The following ADAMTS12 variants were observed in gnomAD, a reference collection of about 807,000 sequenced individuals.
ADAMTS12 encodes the protein A disintegrin and metalloproteinase with thrombospondin motifs 12.
ADAMTS12 carries 118 observed loss-of-function variants against 167.8 expected under a neutral mutation model. The ratio of observed to expected loss-of-function variants is 0.70; its 90% CI spans 0.61 to 0.82. The LOEUF (loss-of-function observed/expected upper bound fraction) is 0.82, where lower values mean the gene tolerates loss of function less well. Ranked by LOEUF, ADAMTS12 falls within the 40% of genes least tolerant of loss-of-function variation. The pLI is 0.00. For missense variants in ADAMTS12, 1,916 were observed against 1,998.8 expected, an observed-to-expected ratio of 0.96 and a Z score of 0.79; for synonymous variants, 704 against 716.9, an observed-to-expected ratio of 0.98 and a Z score of 0.29.
At chr5:33,582,614 G>A (rs1747124039) in intron 18 of ADAMTS12, among the ~76,000 whole-genome samples, 1 of 152,172 alleles carries the variant, frequency 6.6e-6, no homozygotes, top group African/African-American at 2.4e-5. Context: ...CCTGTGATGA[G>A]CTTTGTACTT....
chr5:33,617,090 A>T (rs1352109935), intron 14 of ADAMTS12, among the ~76,000 whole-genome samples: 1 of 152,160 alleles, frequency 6.6e-6, no homozygotes, highest in Non-Finnish European at 1.5e-5. Flanking sequence ...AGTTTCATTG[A>T]TTCATCTAAC....
At chr5:33,580,870 T>C (rs1305499383) in intron 18 of ADAMTS12, among the ~76,000 whole-genome samples, 1 of 152,214 alleles carries the variant, frequency 6.6e-6, no homozygotes, top group Non-Finnish European at 1.5e-5. Flanking sequence ...ACCTGATTAA[T>C]GAAGACCTGG....
intron 12 of ADAMTS12, among the ~76,000 whole-genome samples, chr5:33,634,264 G>C (rs572232901): frequency 1.3e-5 from 2 of 152,104 alleles, no homozygotes; most frequent in South Asian, 4.1e-4. Context: ...GCAGGGCTTC[G>C]TGGGCATTAG....
chr5:33,854,209 T>C (rs940163071), intron 2 of ADAMTS12, among the ~76,000 whole-genome samples: 1 of 152,222 alleles, frequency 6.6e-6, no homozygotes, highest in Admixed American at 6.5e-5. Context: ...TTAATATCTG[T>C]AAATCAATGG....
intron 3 of ADAMTS12, among the ~76,000 whole-genome samples, chr5:33,720,900 T>C (rs573531795): frequency 6.6e-6 from 1 of 152,298 alleles, no homozygotes; most frequent in Non-Finnish European, 1.5e-5. Flanking sequence ...CAAAAGCATG[T>C]ACACATTTTT....
intron 2 of ADAMTS12, among the ~76,000 whole-genome samples, chr5:33,859,912 A>T (rs763364384): frequency 1.2e-4 from 19 of 152,230 alleles, no homozygotes; most frequent in Non-Finnish European, 2.4e-4. Flanking sequence ...GACCTGCAGA[A>T]GAGGGGCCTG....
At chr5:33,745,125 G>A (rs1744734045) in intron 3 of ADAMTS12, among the ~76,000 whole-genome samples, 2 of 152,140 alleles carry the variant, frequency 1.3e-5, no homozygotes, top group Admixed American at 1.3e-4. Context: ...GATCTTTGGG[G>A]GTTTTCTTTA....
chr5:33,696,481 T>G (rs1448161982), intron 3 of ADAMTS12, among the ~76,000 whole-genome samples: 2 of 151,952 alleles, frequency 1.3e-5, no homozygotes, highest in Non-Finnish European at 1.5e-5. Flanking sequence ...CTTTCAGTTG[T>G]CCAAAGCATT....
intron 3 of ADAMTS12, among the ~76,000 whole-genome samples, chr5:33,687,374 G>C (rs1162683921): frequency 6.6e-6 from 1 of 152,130 alleles, no homozygotes; most frequent in Non-Finnish European, 1.5e-5. Flanking sequence ...AGGACCCGAG[G>C]CTCAAAAAGA....
At chr5:33,779,812 G>C (rs1399999491) in intron 2 of ADAMTS12, among the ~76,000 whole-genome samples, 1 of 152,176 alleles carries the variant, frequency 6.6e-6, no homozygotes, top group East Asian at 1.9e-4. Flanking sequence ...CCAAAGGCTG[G>C]AGGATGAGGG....
chr5:33,849,498 G>A (rs979321716), intron 2 of ADAMTS12, among the ~76,000 whole-genome samples: 1 of 129,196 alleles, frequency 7.7e-6, no homozygotes, highest in Non-Finnish European at 1.6e-5. Context: ...ATATATATAT[G>A]TATTGCATAG....
At chr5:33,553,015 A>G (rs1343224770) in intron 20 of ADAMTS12, among the ~76,000 whole-genome samples, 1 of 152,162 alleles carries the variant, frequency 6.6e-6, no homozygotes, top group Non-Finnish European at 1.5e-5. Context: ...CAAAAAACAA[A>G]AAACAAAAAA....
intron 3 of ADAMTS12, among the ~76,000 whole-genome samples, chr5:33,703,919 G>A (rs371957724): frequency 6.6e-6 from 1 of 152,280 alleles, no homozygotes; most frequent in African/African-American, 2.4e-5. Flanking sequence ...AGCAATAAAA[G>A]CCTAATCCCC....
chr5:33,730,598 A>G (rs569897420), intron 3 of ADAMTS12, among the ~76,000 whole-genome samples: 4 of 152,368 alleles, frequency 2.6e-5, no homozygotes, highest in South Asian at 2.1e-4. Flanking sequence ...ACAGCAAAAT[A>G]TACTAAAACC....
chr5:33,694,819 AAAT>A (rs1455662304), intron 3 of ADAMTS12, among the ~76,000 whole-genome samples: 8 of 152,396 alleles, frequency 5.2e-5, no homozygotes, highest in African/African-American at 1.9e-4. Flanking sequence ...TTACATATTG[AAAT>A]AATAATATTC....
chr5:33,849,765 T>C (rs1749150391), intron 2 of ADAMTS12, among the ~76,000 whole-genome samples: 1 of 150,098 alleles, frequency 6.7e-6, no homozygotes, highest in Non-Finnish European at 1.5e-5. Context: ...TATCTATATA[T>C]GTATTGCATA....
intron 2 of ADAMTS12, among the ~76,000 whole-genome samples, chr5:33,773,459 T>C (rs961921090): frequency 6.6e-6 from 1 of 152,182 alleles, no homozygotes; most frequent in Non-Finnish European, 1.5e-5. Flanking sequence ...TGACATGTGC[T>C]CTAGGCATGG....
At chr5:33,830,321 C>T (rs547335394) in intron 2 of ADAMTS12, among the ~76,000 whole-genome samples, 5 of 152,236 alleles carry the variant, frequency 3.3e-5, no homozygotes, top group Admixed American at 2.6e-4. Flanking sequence ...GGAATATAAA[C>T]TTGATCGATA....
chr5:33,594,608 G>A (rs1418470472), intron 17 of ADAMTS12, among the ~76,000 whole-genome samples: 3 of 152,172 alleles, frequency 2.0e-5, no homozygotes. Flanking sequence ...CCTAGTGCTA[G>A]CCTTATCTTC....
Sources: allele counts gnomAD v4.1 joint callset (sites outside exome capture counted in the v4.1 genomes callset), GRCh38; gene constraint gnomAD v4.1.1; transcripts MANE v1.5; gene names NCBI Gene and HGNC (gene_info 2026-07-23, HGNC 2026-07-21).